Variants in LMX1A observed in about 807,000 individuals in gnomAD.
LMX1A encodes LIM homeobox transcription factor 1-alpha.
A neutral mutation model predicts 49.1 loss-of-function variants in LMX1A; 15 were observed. The observed-to-expected ratio is 0.31, with a 90% CI of 0.20 to 0.47. The LOEUF is 0.47. Among genes scored for constraint, LMX1A ranks in the 20% least tolerant of loss-of-function variants. The pLI is 1.00. For missense variants in LMX1A, 372 were observed against 475.8 expected (o/e 0.78, Z 2.03); for synonymous variants, 167 against 185.7 (o/e 0.90, Z 0.82).
At chr1:165,214,429 T>C (rs1651564343) in intron 4 of LMX1A, among the ~76,000 whole-genome samples, 1 of 152,190 alleles carries the variant, frequency 6.6e-6, no homozygotes, top group Non-Finnish European at 1.5e-5. Context: ...AGTGTGAAAA[T>C]GTACTAATAC....
Position 165,355,632 on chromosome 1 carries a change from G to A in LMX1A, c.-22-51C>T, listed in dbSNP as rs1227433289. 1.4e-5 allele frequency: 20 copies of A among 1,400,116 alleles called. No individual in the cohort carries two copies. Among genetic ancestry groups the A allele is most frequent in the Non-Finnish European group, 1.7e-5 (17 of 1,000,930 alleles). The allele number at this position is 1,400,116 out of a possible 1,614,324, so 86.7% of individuals were successfully genotyped here. A position where few individuals can be genotyped will look rare whatever the true frequency, so the allele number is the denominator to read the frequency against. ...CTGACGTCCGTGCCCGCTGGGACTC[G>A]GCGCCAGCAGCCACCGCACTCCTGG... On this transcript the variant is annotated intron_variant, in intron 1 of 8. Transcript: ENST00000342310. This position sits in a 1 kb window ranked among gnomAD's most constrained non-coding sequence, Gnocchi z 4.7.
Position 165,208,188 on chromosome 1 carries a change from A to G in LMX1A, c.748-56T>C, listed in dbSNP as rs989959838. Reference sequence around the variant, plus strand: ...TCAGGTGGCCTGCAGCATGTTCACAAAGTAAGGGGGGGCCTGGAAGTGACA... The same window carrying G: ...TCAGGTGGCCTGCAGCATGTTCACAGAGTAAGGGGGGGCCTGGAAGTGACA... On this transcript the variant is annotated intron_variant, in intron 6 of 8. Transcript: ENST00000342310. 8 of 1,524,878 alleles carry G rather than the reference A, an allele frequency of 5.2e-6. No homozygotes were observed. In the African/African-American group the frequency reaches 9.6e-5, roughly 18 times the overall value. The allele number at this position is 1,524,878 out of a possible 1,614,324, so 94.5% of individuals were successfully genotyped here. A position where few individuals can be genotyped will look rare whatever the true frequency, so the allele number is the denominator to read the frequency against.
intron 3 of LMX1A, among the ~76,000 whole-genome samples, chr1:165,341,855 TG>T (rs1343259513): frequency 6.6e-6 from 1 of 152,236 alleles, no homozygotes; most frequent in Non-Finnish European, 1.5e-5. Flanking sequence ...TACGAATGTT[TG>T]ATGATTAAAT....
At chr1:165,306,859 T>C (rs1458974071) in intron 3 of LMX1A, among the ~76,000 whole-genome samples, 2 of 152,170 alleles carry the variant, frequency 1.3e-5, no homozygotes, top group African/African-American at 4.8e-5. Flanking sequence ...CTCCAGTCCT[T>C]GTTGAAAGCT....
At chr1:165,313,816 G>A (rs1363197522) in intron 3 of LMX1A, among the ~76,000 whole-genome samples, 1 of 152,186 alleles carries the variant, frequency 6.6e-6, no homozygotes, top group Non-Finnish European at 1.5e-5. Flanking sequence ...ATACATGAAA[G>A]CTAAGGTATT....
intron 3 of LMX1A, among the ~76,000 whole-genome samples, chr1:165,332,065 T>C (rs191509327): frequency 7.9e-5 from 12 of 152,332 alleles, no homozygotes; most frequent in Non-Finnish European, 1.5e-4. Flanking sequence ...ACTCTAAGTA[T>C]ACTGTGAATT....
intron 3 of LMX1A, among the ~76,000 whole-genome samples, chr1:165,325,911 C>A (rs952233181): frequency 1.3e-5 from 2 of 152,188 alleles, no homozygotes; most frequent in Non-Finnish European, 2.9e-5. Flanking sequence ...GCCTTATCTG[C>A]AGCTACCCTA....
At chr1:165,242,594 G>A (rs1020832133) in intron 4 of LMX1A, among the ~76,000 whole-genome samples, 1 of 151,630 alleles carries the variant, frequency 6.6e-6, no homozygotes, top group Non-Finnish European at 1.5e-5. Context: ...AAGAAAAAAG[G>A]AAGGCAATTT....
rs548429789 is a variant in LMX1A at position 165,205,568 on chromosome 1, G to A, written c.988+296C>T. On this transcript the variant is annotated intron_variant, in intron 8 of 8. Coordinates refer to ENST00000342310, the MANE Select transcript of LMX1A (RefSeq NM_177398.4). The stretch of plus-strand genomic sequence containing the variant: ...ATACTGCTGATCTCTGGCATGAAGC[G>A]CAAGACTTGCAATTCAATGACAACA... 9.9e-5 allele frequency among the ~76,000 whole-genome samples: 15 copies of A among 152,252 alleles called. No individual in the cohort carries two copies. The South Asian group carries it at 1.9e-3, about 19-fold the overall frequency.
At chr1:165,288,596 C>T (rs1557874343) in intron 3 of LMX1A, among the ~76,000 whole-genome samples, 1 of 152,182 alleles carries the variant, frequency 6.6e-6, no homozygotes, top group Non-Finnish European at 1.5e-5. Context: ...TCCCATGTCT[C>T]CTAGGTTACA....
chr1:165,316,936 C>T (rs1227840073), intron 3 of LMX1A, among the ~76,000 whole-genome samples: 1 of 152,104 alleles, frequency 6.6e-6, no homozygotes, highest in Non-Finnish European at 1.5e-5. Flanking sequence ...GATCAGGATC[C>T]AGTTCAGTGA....
intron 3 of LMX1A, among the ~76,000 whole-genome samples, chr1:165,289,496 C>T (rs1422260734): frequency 2.6e-5 from 4 of 152,204 alleles, no homozygotes; most frequent in Admixed American, 2.6e-4. Context: ...CAAATCTTAC[C>T]TACCTCTTCT....
intron 3 of LMX1A, among the ~76,000 whole-genome samples, chr1:165,323,787 CTTCACTG>C (rs1464473970): frequency 1.3e-5 from 2 of 152,162 alleles, no homozygotes; most frequent in East Asian, 3.9e-4. Flanking sequence ...TGTGTTTTAA[CTTCACTG>C]TTCTCAATAC....
intron 4 of LMX1A, among the ~76,000 whole-genome samples, chr1:165,231,442 A>T (rs879580949): frequency 3.3e-5 from 5 of 152,056 alleles, no homozygotes; most frequent in Non-Finnish European, 7.4e-5. Flanking sequence ...AGCTGAGACT[A>T]ATTAGCCTGC....
intron 3 of LMX1A, among the ~76,000 whole-genome samples, chr1:165,320,213 G>C (rs1203460064): frequency 6.6e-6 from 1 of 152,140 alleles, no homozygotes; most frequent in Non-Finnish European, 1.5e-5. Flanking sequence ...AAGTTAACAG[G>C]CAGTACTACT....
intron 3 of LMX1A, among the ~76,000 whole-genome samples, chr1:165,314,509 A>G (rs900460999): frequency 6.6e-6 from 1 of 152,140 alleles, no homozygotes; most frequent in Non-Finnish European, 1.5e-5. Flanking sequence ...CCCCCATCTT[A>G]TTGACCTTTT....
chr1:165,213,150 C>G (rs1167635826), intron 5 of LMX1A: 1 of 152,890 alleles, frequency 6.5e-6, no homozygotes, highest in Non-Finnish European at 1.5e-5. Context: ...CAGTCCCAAA[C>G]TAGAAACAAC....
At chr1:165,259,484 A>G (rs1464732788) in intron 3 of LMX1A, among the ~76,000 whole-genome samples, 1 of 152,156 alleles carries the variant, frequency 6.6e-6, no homozygotes, top group African/African-American at 2.4e-5. Flanking sequence ...ATTTCCCCAC[A>G]TCATTTTGGT....
chr1:165,233,733 G>A (rs1048174633), intron 4 of LMX1A, among the ~76,000 whole-genome samples: 1 of 152,168 alleles, frequency 6.6e-6, no homozygotes, highest in East Asian at 1.9e-4. Context: ...CACTCTTCCT[G>A]TATTTCATAG....
Sources: gnomAD v4.1 joint callset for allele counts (sites outside exome capture counted in the v4.1 genomes callset) on GRCh38, gnomAD v4.1.1 for gene constraint, Gnocchi (gnomAD v3.1) non-coding constraint, MANE v1.5 for transcripts, NCBI Gene and HGNC (gene_info 2026-07-23, HGNC 2026-07-21) for gene names.